Variants in PTPRE observed in about 807,000 individuals in gnomAD.
PTPRE encodes the protein receptor-type tyrosine-protein phosphatase epsilon.
PTPRE carries 51 observed loss-of-function variants against 102.0 expected under a neutral mutation model. That is an observed-to-expected ratio of 0.50 (90% CI 0.40 to 0.63). PTPRE has a LOEUF of 0.63. Ranked by LOEUF, PTPRE falls within the 30% of genes least tolerant of loss-of-function variation. The pLI is 0.00. For missense variants in PTPRE, 752 were observed against 915.1 expected (o/e 0.82, Z 2.30); for synonymous variants, 345 against 348.2 (o/e 0.99, Z 0.10).
intron 1 of PTPRE, among the ~76,000 whole-genome samples, chr10:127,913,735 C>T (rs560926162): frequency 3.3e-5 from 5 of 152,240 alleles, no homozygotes; most frequent in East Asian, 1.9e-4. Flanking sequence ...GGCAGGTTCC[C>T]GGTGAAACTC....
chr10:128,049,602 A>C lies in PTPRE; in HGVS notation c.356A>C (p.His119Pro). The C allele has an allele frequency of 6.2e-7, 1 of 1,614,008 alleles. No homozygotes were observed. The highest frequency in any genetic ancestry group is 8.5e-7 in the Non-Finnish European group (1 of 1,180,010). ...PKKYFPIPVE[H>P]LEEEIRIRSA... ...AAGTATTTTCCCATCCCCGTGGAGCACCTGGAGGAGGAGATCCGTATCAGA... is the reference window on the plus strand; with the variant it reads ...AAGTATTTTCCCATCCCCGTGGAGCCCCTGGAGGAGGAGATCCGTATCAGA... Residue 119 changes from histidine to proline, a missense_variant, in exon 6 of 21, where the codon CAC (histidine) becomes CCC (proline). His to Pro is a moderately conservative substitution (Grantham distance 77). Coordinates refer to ENST00000254667, the MANE Select transcript of PTPRE (RefSeq NM_006504.6).
intron 6 of PTPRE, among the ~76,000 whole-genome samples, chr10:128,050,338 T>TGGAG: frequency 1.1e-5 from 1 of 87,992 alleles, no homozygotes; most frequent in African/African-American, 3.8e-5. Context: ...GGCGGATGGA[T>TGGAG]GGATGGATGG....
chr10:127,978,461 A>G (rs1851360721), intron 1 of PTPRE, among the ~76,000 whole-genome samples: 1 of 152,144 alleles, frequency 6.6e-6, no homozygotes, highest in Non-Finnish European at 1.5e-5. Flanking sequence ...AGACGGCTTG[A>G]GCCCAGGACA....
At chr10:128,029,638 T>C (rs1370909232) in intron 2 of PTPRE, among the ~76,000 whole-genome samples, 1 of 152,246 alleles carries the variant, frequency 6.6e-6, no homozygotes, top group Non-Finnish European at 1.5e-5. Flanking sequence ...GAAGCTTTAG[T>C]CTATTTCTGA....
At chr10:127,958,852 A>G (rs568854569) in intron 1 of PTPRE, among the ~76,000 whole-genome samples, 1 of 126,910 alleles carries the variant, frequency 7.9e-6, no homozygotes, top group East Asian at 2.4e-4. Flanking sequence ...TTAATTATTT[A>G]TTTATTTTCT....
intron 2 of PTPRE, among the ~76,000 whole-genome samples, chr10:127,997,446 G>A (rs898607814): frequency 3.9e-5 from 6 of 152,204 alleles, no homozygotes; most frequent in Admixed American, 2.0e-4. Context: ...GAGGACCAGC[G>A]TCGTGGAGTT....
At chr10:128,052,895 C>G (rs992526994) in intron 6 of PTPRE, among the ~76,000 whole-genome samples, 1 of 152,182 alleles carries the variant, frequency 6.6e-6, no homozygotes, top group African/African-American at 2.4e-5. Flanking sequence ...CACTCTCCTG[C>G]TGCCTGCCCG....
intron 1 of PTPRE, among the ~76,000 whole-genome samples, chr10:127,975,720 G>C (rs529784974): frequency 6.6e-6 from 1 of 152,132 alleles, no homozygotes. Context: ...CATCTTTAGC[G>C]TGTTCAGTTA....
intron 7 of PTPRE, 64 bp downstream of exon 7, chr10:128,056,277 C>T (rs756735348): frequency 1.1e-5 from 15 of 1,390,382 alleles, no homozygotes; most frequent in Non-Finnish European, 1.5e-5. Flanking sequence ...CTTTGCCTTG[C>T]AGCTCCCCGT....
At chr10:127,931,465 G>T (rs1313137755) in intron 1 of PTPRE, among the ~76,000 whole-genome samples, 1 of 152,178 alleles carries the variant, frequency 6.6e-6, no homozygotes, top group African/African-American at 2.4e-5. Context: ...CTCAAAGTCC[G>T]CCTCAAGGCA....
At chr10:127,919,817 A>C (rs1454055950) in intron 1 of PTPRE, among the ~76,000 whole-genome samples, 1 of 152,200 alleles carries the variant, frequency 6.6e-6, no homozygotes, top group Non-Finnish European at 1.5e-5. Context: ...TTTGTTTACA[A>C]ATGATTTATT....
chr10:128,002,490 G>GCAGTGC (rs1274545254), intron 2 of PTPRE, among the ~76,000 whole-genome samples: 1 of 152,018 alleles, frequency 6.6e-6, no homozygotes, highest in African/African-American at 2.4e-5. Context: ...GGAAGATGCA[G>GCAGTGC]CAGTGCGTAG....
intron 1 of PTPRE, among the ~76,000 whole-genome samples, chr10:127,916,152 C>T (rs751716920): frequency 6.6e-6 from 1 of 152,002 alleles, no homozygotes; most frequent in African/African-American, 2.4e-5. Flanking sequence ...AGAGCAGTGA[C>T]GTGGTCTGGC....
chr10:128,032,857 A>G (rs544573390), intron 2 of PTPRE, among the ~76,000 whole-genome samples: 1 of 152,334 alleles, frequency 6.6e-6, no homozygotes, highest in African/African-American at 2.4e-5. Context: ...CATTTATCAT[A>G]TGGTGTGAAT....
intron 1 of PTPRE, among the ~76,000 whole-genome samples, chr10:127,954,575 A>G (rs992023792): frequency 6.6e-6 from 1 of 152,184 alleles, no homozygotes; most frequent in African/African-American, 2.4e-5. Flanking sequence ...GGAATTCACT[A>G]GTCTTACCAT....
At chr10:127,984,078 CT>C (rs58130253) in intron 2 of PTPRE, among the ~76,000 whole-genome samples, 24,121 of 124,826 alleles carry the variant, frequency 0.19, 2,027 homozygotes, top group Non-Finnish European at 0.22. Context: ...TTCTTTCTTT[CT>C]TTTTTTTTTT....
chr10:128,064,092 T>C (rs574808637), intron 10 of PTPRE, among the ~76,000 whole-genome samples: 36 of 152,212 alleles, frequency 2.4e-4, no homozygotes, highest in African/African-American at 7.5e-4. Context: ...TTCCCAGGCA[T>C]TGTAGCGAGG....
intron 6 of PTPRE, among the ~76,000 whole-genome samples, chr10:128,055,479 C>T (rs1393296781): frequency 6.6e-6 from 1 of 152,054 alleles, no homozygotes; most frequent in Non-Finnish European, 1.5e-5. Context: ...GCACTGAAGC[C>T]CTGGGGATCA....
intron 1 of PTPRE, among the ~76,000 whole-genome samples, chr10:127,923,071 G>A (rs1400136031): frequency 6.6e-6 from 1 of 152,244 alleles, no homozygotes; most frequent in East Asian, 1.9e-4. Flanking sequence ...TTCCCAGCCT[G>A]CACTCCTGTC....
Sources: allele counts gnomAD v4.1 joint callset (sites outside exome capture counted in the v4.1 genomes callset), GRCh38; gene constraint gnomAD v4.1.1; transcripts MANE v1.5; gene names NCBI Gene and HGNC (gene_info 2026-07-23, HGNC 2026-07-21).